IGF1R: variants seen among roughly 807,000 people sequenced by gnomAD.
IGF1R encodes the protein insulin-like growth factor 1 receptor.
IGF1R carries 44 observed loss-of-function variants against 144.6 expected under a neutral mutation model. That is an observed-to-expected ratio of 0.30 (90% CI 0.24 to 0.39). The LOEUF is 0.39. Among genes scored for constraint, IGF1R ranks in the 10% least tolerant of loss-of-function variants. The pLI is 1.00. For synonymous variants in IGF1R, 795 were observed against 722.8 expected (o/e 1.10, Z -1.60); for missense variants, 1,355 against 1,833.7 (o/e 0.74, Z 4.77).
At chr15:98,652,548 C>T (rs556794328) in intron 1 of IGF1R, among the ~76,000 whole-genome samples, 3 of 152,150 alleles carry the variant, frequency 2.0e-5, no homozygotes, top group African/African-American at 7.2e-5. Context: ...TGTAAAAGGT[C>T]ATAATGTTTG....
intron 2 of IGF1R, among the ~76,000 whole-genome samples, chr15:98,742,785 C>T (rs910489948): frequency 5.3e-5 from 8 of 152,294 alleles, no homozygotes; most frequent in East Asian, 3.9e-4. Context: ...GTGGCTTACA[C>T]CTGTAATCCT....
intron 2 of IGF1R, among the ~76,000 whole-genome samples, chr15:98,884,660 G>A (rs1387392101): frequency 7.0e-6 from 1 of 143,504 alleles, no homozygotes; most frequent in African/African-American, 2.5e-5. Flanking sequence ...ACTCCAGCCT[G>A]GTGACAGAGT....
At chr15:98,702,567 A>T (rs2053761960) in intron 1 of IGF1R, among the ~76,000 whole-genome samples, 1 of 152,148 alleles carries the variant, frequency 6.6e-6, no homozygotes, top group South Asian at 2.1e-4. Context: ...GCCTCAAGCG[A>T]TCTACCTGCC....
At chr15:98,921,380 T>C (rs1258223917) in intron 10 of IGF1R, among the ~76,000 whole-genome samples, 1 of 152,230 alleles carries the variant, frequency 6.6e-6, no homozygotes, top group African/African-American at 2.4e-5. Context: ...CTTTTTGTGA[T>C]GACTTTATGC....
chr15:98,951,184 G>T (rs556811975), intron 20 of IGF1R, among the ~76,000 whole-genome samples: 1 of 152,218 alleles, frequency 6.6e-6, no homozygotes, highest in Non-Finnish European at 1.5e-5. Context: ...TAGCACATGT[G>T]GGGGCTCCCA....
intron 3 of IGF1R, among the ~76,000 whole-genome samples, chr15:98,893,880 C>T (rs1396565458): frequency 6.6e-6 from 1 of 152,180 alleles, no homozygotes; most frequent in Admixed American, 6.5e-5. Flanking sequence ...TCCCTTCTCT[C>T]AGCCTTTGAG....
chr15:98,816,892 T>C (rs1472107719), intron 2 of IGF1R, among the ~76,000 whole-genome samples: 1 of 152,318 alleles, frequency 6.6e-6, no homozygotes, highest in East Asian at 1.9e-4. Context: ...TGGCTATAAA[T>C]GCCCGGTTGT....
chr15:98,928,806 A>G (rs1391738653), intron 13 of IGF1R, among the ~76,000 whole-genome samples: 1 of 152,090 alleles, frequency 6.6e-6, no homozygotes, highest in African/African-American at 2.4e-5. Context: ...AGCATCTGCC[A>G]TACAAGTGCT....
chr15:98,930,313 T>C lies in IGF1R; in HGVS notation c.2956+8T>C. The C allele has an allele frequency of 6.2e-7, 1 of 1,605,972 alleles. No individual in the cohort carries two copies. The highest frequency in any genetic ancestry group is 8.5e-7 in the Non-Finnish European group (1 of 1,174,220). On this transcript the variant is annotated splice_region_variant and intron_variant, in intron 15 of 20. Coordinates refer to ENST00000650285, the MANE Select transcript of IGF1R (RefSeq NM_000875.5). ...ACTTCAGCGCTGCTGATGGTAAGAG[T>C]CCGGGCCACCAGCACTGCCAGCGTG...
intron 2 of IGF1R, among the ~76,000 whole-genome samples, chr15:98,738,600 C>G (rs529866456): frequency 6.6e-6 from 1 of 152,176 alleles, no homozygotes; most frequent in Non-Finnish European, 1.5e-5. Context: ...GCAGTTGTGT[C>G]TGTCTGAGGC....
In IGF1R at chr15:98,960,903, A is replaced by ATG. The variant is rs1030305251; in HGVS notation, c.*3461_*3462insTG. The ATG allele has an allele frequency of 4.3e-6, 1 of 232,822 alleles. No individual in the cohort carries two copies. The highest frequency in any genetic ancestry group is 2.2e-5 in the African/African-American group (1 of 44,718). The allele number at this position is 232,822 out of a possible 1,614,324, so 14.4% of individuals were successfully genotyped here. On this transcript the variant is annotated 3_prime_UTR_variant, in exon 21 of 21. Transcript: ENST00000650285. ...GGCCGGCGCCGAGGCTCGTGGCGTC[A>ATG]CGCCCCCCCCGCCAGGGCTGTACCT...
rs544399951 is a variant in IGF1R at position 98,849,933 on chromosome 15, T to A, written c.641-41392T>A. On this transcript the variant is annotated intron_variant, in intron 2 of 20. Coordinates refer to ENST00000650285, the MANE Select transcript of IGF1R (RefSeq NM_000875.5). ...ACACTCTTTGGAAAACAACCCCACATGGCTGGGAGGACGGCAGAATAGCAC... is the reference window on the plus strand; with the variant it reads ...ACACTCTTTGGAAAACAACCCCACAAGGCTGGGAGGACGGCAGAATAGCAC... 5.9e-5 allele frequency among the ~76,000 whole-genome samples: 9 copies of A among 152,352 alleles called. No homozygotes were observed. The South Asian group carries it at 6.2e-4, about 11-fold the overall frequency.
chr15:98,688,794 G>A (rs2053401295), intron 1 of IGF1R, among the ~76,000 whole-genome samples: 1 of 152,120 alleles, frequency 6.6e-6, no homozygotes, highest in African/African-American at 2.4e-5. Flanking sequence ...CTTTGTAAGT[G>A]TATTTTTTTT....
Position 98,959,853 on chromosome 15 carries a change from TTA to T in IGF1R, c.*2412_*2413del. 7.8e-6 allele frequency: 1 copy of T among 128,932 alleles called. No homozygotes were observed. Among genetic ancestry groups the T allele is most frequent in the Non-Finnish European group, 1.6e-5 (1 of 64,388 alleles). The allele number at this position is 128,932 out of a possible 1,614,324, so 8.0% of individuals were successfully genotyped here. A position where few individuals can be genotyped will look rare whatever the true frequency, so the allele number is the denominator to read the frequency against. ...GTCTCTATCCCATAGCGTGTTCCCT[TTA>T]AAAAAAAAAAAAAGGTATTATATGT... On this transcript the variant is annotated 3_prime_UTR_variant, in exon 21 of 21. Coordinates refer to ENST00000650285, the MANE Select transcript of IGF1R (RefSeq NM_000875.5).
Position 98,935,913 on chromosome 15 carries a change from A to G in IGF1R, c.3297+487A>G, listed in dbSNP as rs1353732620. On this transcript the variant is annotated intron_variant, in intron 17 of 20. Transcript: ENST00000650285. This position sits in a 1 kb window ranked among gnomAD's most constrained non-coding sequence, Gnocchi z 4.2. ...GTGTTTAGCTTTTCATCTCAGTCCA[A>G]GTGTGTGGCTCAGGGCCGCATTTGT... is the stretch of plus-strand genomic sequence containing the variant. Among the ~76,000 whole-genome samples the G allele has an allele frequency of 6.6e-6, 1 of 152,096 alleles. No individual in the cohort carries two copies. Among genetic ancestry groups the G allele is most frequent in the African/African-American group, 2.4e-5 (1 of 41,394 alleles).
Position 98,668,520 on chromosome 15 carries a change from C to T in IGF1R, c.94+18845C>T, listed in dbSNP as rs759952878. ...CCAAATGCCTGAAATGTGTAGTGCA[C>T]CTTCTGAGCACCCCAGTGCTTTCCT... On this transcript the variant is annotated intron_variant, in intron 1 of 20. Transcript: ENST00000650285. 1.8e-4 allele frequency among the ~76,000 whole-genome samples: 28 copies of T among 152,198 alleles called. 1 individual carries two copies. Among genetic ancestry groups the T allele is most frequent in the Non-Finnish European group, 3.4e-4 (23 of 68,046 alleles).
In IGF1R at chr15:98,772,865, T is replaced by C. The variant is rs1201600107; in HGVS notation, c.640+64758T>C. 2.0e-5 allele frequency among the ~76,000 whole-genome samples: 3 copies of C among 152,088 alleles called. No homozygotes were observed. The East Asian group carries it at 5.8e-4, about 29-fold the overall frequency. On this transcript the variant is annotated intron_variant, in intron 2 of 20. Coordinates refer to ENST00000650285, the MANE Select transcript of IGF1R (RefSeq NM_000875.5). ...TTTGTTATCACAGAATATGTTTGCT[T>C]TTGATAGGGGTTGGGTGCTGAAGGG...
chr15:98,759,732 A>G (rs2055245726), intron 2 of IGF1R, among the ~76,000 whole-genome samples: 2 of 152,198 alleles, frequency 1.3e-5, no homozygotes, highest in African/African-American at 4.8e-5. Context: ...TTTTTAGTTC[A>G]TGGGGCACAT....
chr15:98,783,955 GA>G, intron 2 of IGF1R, among the ~76,000 whole-genome samples: 3 of 139,150 alleles, frequency 2.2e-5, no homozygotes, highest in Middle Eastern at 3.7e-3. Context: ...TATGGCATCT[GA>G]AATTTTTTTT....
Sources: allele counts gnomAD v4.1 joint callset (sites outside exome capture counted in the v4.1 genomes callset), GRCh38; gene constraint gnomAD v4.1.1; non-coding constraint Gnocchi (gnomAD v3.1); transcripts MANE v1.5; gene names NCBI Gene and HGNC (gene_info 2026-07-23, HGNC 2026-07-21).